SFXN1: variants seen among roughly 807,000 people sequenced by gnomAD.
SFXN1 encodes sideroflexin 1.
In SFXN1, 32 loss-of-function variants were observed where a neutral mutation model predicts 39.5. The ratio of observed to expected loss-of-function variants is 0.81; its 90% confidence interval spans 0.61 to 1.09. SFXN1 has a LOEUF of 1.09. Ranked by LOEUF, SFXN1 falls within the 50% of genes least tolerant of loss-of-function variation. The pLI is 0.00. For missense variants in SFXN1, 402 were observed against 407.1 expected, an observed-to-expected ratio of 0.99 and a Z score of 0.11; for synonymous variants, 136 against 146.5, an observed-to-expected ratio of 0.93 and a Z score of 0.52.
At chr5:175,512,246 C>A (rs1760548233) in intron 6 of SFXN1, 50 bp downstream of exon 6, 1 of 1,497,006 alleles carries the variant, frequency 6.7e-7, no homozygotes, top group South Asian at 1.2e-5. Context: ...ACAGGAGAGT[C>A]TCTTGTAATA....
chr5:175,506,714 T>C (rs1760315766), intron 2 of SFXN1, among the ~76,000 whole-genome samples: 1 of 152,180 alleles, frequency 6.6e-6, no homozygotes, highest in African/African-American at 2.4e-5. Context: ...TTGCCCAGGC[T>C]GGAGTGCAGT....
At chr5:175,517,162 T>C (rs938204416) in intron 8 of SFXN1, among the ~76,000 whole-genome samples, 1 of 152,216 alleles carries the variant, frequency 6.6e-6, no homozygotes, top group African/African-American at 2.4e-5. Context: ...TGGCATTTTC[T>C]CATGCGAAGG....
intron 1 of SFXN1, among the ~76,000 whole-genome samples, chr5:175,491,117 T>G (rs1759637252): frequency 6.6e-6 from 1 of 152,232 alleles, no homozygotes; most frequent in Admixed American, 6.5e-5. Flanking sequence ...AGAAATTAAT[T>G]ACTTTTGGAA....
chr5:175,493,343 G>A (rs1009966214), intron 2 of SFXN1, among the ~76,000 whole-genome samples: 31 of 152,206 alleles, frequency 2.0e-4, no homozygotes, highest in South Asian at 1.7e-3. Context: ...CTGCACTGGG[G>A]GAAAGTCAAT....
intron 10 of SFXN1, chr5:175,522,909 A>G (rs1446692734): frequency 1.3e-5 from 2 of 154,218 alleles, no homozygotes; most frequent in Non-Finnish European, 2.9e-5. Flanking sequence ...CCTGCCTTTG[A>G]TGTGAGAACA....
At chr5:175,506,911 A>G (rs999597407) in intron 2 of SFXN1, among the ~76,000 whole-genome samples, 2 of 152,004 alleles carry the variant, frequency 1.3e-5, no homozygotes, top group Admixed American at 1.3e-4. Context: ...TGATCCACCC[A>G]CCTTGGCCTC....
At chr5:175,495,083 A>G (rs1292237872) in intron 2 of SFXN1, among the ~76,000 whole-genome samples, 1 of 152,254 alleles carries the variant, frequency 6.6e-6, no homozygotes, top group Non-Finnish European at 1.5e-5. Flanking sequence ...TGCTCCCGCC[A>G]TACAGTGGAA....
chr5:175,506,466 C>T (rs941711392), intron 2 of SFXN1, among the ~76,000 whole-genome samples: 11 of 152,134 alleles, frequency 7.2e-5, no homozygotes, highest in Non-Finnish European at 1.6e-4. Flanking sequence ...GCTTTTGTTC[C>T]AGCATATTTA....
intron 1 of SFXN1, among the ~76,000 whole-genome samples, chr5:175,485,854 G>T (rs558635400): frequency 5.3e-5 from 8 of 152,310 alleles, no homozygotes; most frequent in African/African-American, 1.2e-4. Context: ...AGATGGGGTG[G>T]CTTTGAATGA....
At chr5:175,525,123 C>A (rs1761019324) in intron 10 of SFXN1, among the ~76,000 whole-genome samples, 1 of 152,194 alleles carries the variant, frequency 6.6e-6, no homozygotes, top group Admixed American at 6.5e-5. Flanking sequence ...AGAGAATACT[C>A]CCCATCATCC....
At chr5:175,499,562 TTATCA>T (rs1759994124) in intron 2 of SFXN1, among the ~76,000 whole-genome samples, 1 of 152,202 alleles carries the variant, frequency 6.6e-6, no homozygotes. Context: ...GAAAACCGTA[TTATCA>T]TATCAATAGA....
In SFXN1 at chr5:175,501,869, G is replaced by A. The variant is rs181195099; in HGVS notation, c.165-7163G>A. 7.2e-5 allele frequency among the ~76,000 whole-genome samples: 11 copies of A among 152,286 alleles called. No individual in the cohort carries two copies. In the East Asian group the frequency reaches 9.6e-4, roughly 13 times the overall value. ...CTAGACAGAACCGATTTATCAAGAC[G>A]GGAATTGCAATGGAGAAAGAGGAAT... On this transcript the variant is annotated intron_variant, in intron 2 of 10. Coordinates refer to ENST00000321442, the MANE Select transcript of SFXN1 (RefSeq NM_022754.7).
At chr5:175,521,808 G>A (rs1162221333) in intron 8 of SFXN1, 111 bp from the exon 9 acceptor site, 1 of 842,578 alleles carries the variant, frequency 1.2e-6, no homozygotes, top group African/African-American at 1.7e-5. Context: ...CACTAACCAT[G>A]TTCTATCTGA....
In SFXN1 at chr5:175,511,471, T is replaced by C. The variant is rs559336070; in HGVS notation, c.455T>C (p.Val152Ala). Residue 152 changes from valine to alanine, a missense_variant, in exon 5 of 11, where the codon GTT becomes GCT. Coordinates refer to ENST00000321442, the MANE Select transcript of SFXN1 (RefSeq NM_022754.7). ...TTCAGTGAGTTGGGAACAGCTTACG[T>C]TTCTGCAACAACTGGTGCCGTAGCA... ...LTVNELGTAY[V>A]SATTGAVATA... The C allele has an allele frequency of 8.7e-6, 14 of 1,614,192 alleles. No individual in the cohort carries two copies. In the African/African-American group the frequency reaches 1.7e-4, roughly 20 times the overall value.
In SFXN1 at chr5:175,514,687, AG is replaced by A. The variant is rs199551822; in HGVS notation, c.724+1099del. On this transcript the variant is annotated intron_variant, in intron 7 of 10. Transcript: ENST00000321442. ...TGCTCATCAGCAGGCAAGGAAGAGC[AG>A]GCAACAAAAGTTGAAAAGTGCATGA... Among the ~76,000 whole-genome samples the A allele has an allele frequency of 6.2e-4, 95 of 152,346 alleles. No individual in the cohort carries two copies. In the East Asian group the frequency reaches 0.015, roughly 24 times the overall value.
intron 1 of SFXN1, among the ~76,000 whole-genome samples, chr5:175,482,995 G>C (rs1053266555): frequency 6.6e-6 from 1 of 152,128 alleles, no homozygotes; most frequent in Non-Finnish European, 1.5e-5. Context: ...GCCTTCAGTG[G>C]ATATGGAAGG....
chr5:175,504,989 A>G (rs930930998), intron 2 of SFXN1, among the ~76,000 whole-genome samples: 1 of 152,094 alleles, frequency 6.6e-6, no homozygotes, highest in Non-Finnish European at 1.5e-5. Flanking sequence ...CGGTCTCCCA[A>G]AGTACTGGGA....
intron 2 of SFXN1, among the ~76,000 whole-genome samples, chr5:175,497,142 G>A (rs1759886235): frequency 6.6e-6 from 1 of 152,146 alleles, no homozygotes; most frequent in South Asian, 2.1e-4. Context: ...GCCCACCTCA[G>A]CCTCCCAAAG....
In SFXN1 at chr5:175,502,239, G is replaced by A. The variant is rs934748676; in HGVS notation, c.165-6793G>A. On this transcript the variant is annotated intron_variant, in intron 2 of 10. Transcript: ENST00000321442. ...ATTTGGGGAGGTTCAGATTCTTGGAGCCAGAGACTGCATGACCCCTAAACT... is the reference window on the plus strand; with the variant it reads ...ATTTGGGGAGGTTCAGATTCTTGGAACCAGAGACTGCATGACCCCTAAACT... Among the ~76,000 whole-genome samples, 46 of 152,286 alleles carry A rather than the reference G, an allele frequency of 3.0e-4. No individual in the cohort carries two copies. The South Asian group carries it at 5.4e-3, about 18-fold the overall frequency.
Sources: allele counts gnomAD v4.1 joint callset (sites outside exome capture counted in the v4.1 genomes callset), GRCh38; gene constraint gnomAD v4.1.1; transcripts MANE v1.5; gene names NCBI Gene and HGNC (gene_info 2026-07-23, HGNC 2026-07-21).